The following PLEKHH2 variants were observed in gnomAD, a reference collection of about 807,000 sequenced individuals.
The protein encoded by PLEKHH2 is pleckstrin homology, MyTH4 and FERM domain containing H2.
A neutral mutation model predicts 187.9 loss-of-function variants in PLEKHH2; 129 were observed. That is an observed-to-expected ratio of 0.69 (90% CI 0.59 to 0.79). The LOEUF is 0.79. Among genes scored for constraint, PLEKHH2 ranks in the 30% least tolerant of loss-of-function variants. The probability of loss-of-function intolerance (pLI) is 0.00; values close to 1 mark genes in which losing one functional copy is unlikely to be tolerated. For missense variants in PLEKHH2, 2,076 were observed against 1,751.2 expected (o/e 1.19, Z -3.31); for synonymous variants, 686 against 605.6 (o/e 1.13, Z -1.95).
chr2:43,678,603 G>C (rs868384843), intron 2 of PLEKHH2, among the ~76,000 whole-genome samples: 2 of 151,938 alleles, frequency 1.3e-5, no homozygotes, highest in Admixed American at 6.5e-5. Context: ...GCAGGCACTC[G>C]GCAGGCTGAG....
chr2:43,738,279 A>T (rs1282173030), intron 19 of PLEKHH2, 62 bp from the exon 20 acceptor site: 3 of 1,333,326 alleles, frequency 2.3e-6, no homozygotes. Flanking sequence ...ATTCGATATA[A>T]TTCATGCAGA....
chr2:43,692,303 T>C lies in PLEKHH2; in HGVS notation c.187-211T>C, dbSNP rs1172157336. The stretch of plus-strand genomic sequence containing the variant: ...TATATGATAGCAATATTCTGAGAAT[T>C]TCTTATGTTTGTATGTACCTCCAAG... On this transcript the variant is annotated intron_variant, in intron 3 of 29. Coordinates refer to ENST00000282406, the MANE Select transcript of PLEKHH2 (RefSeq NM_172069.4). 2.3e-5 allele frequency: 9 copies of C among 384,060 alleles called. No homozygotes were observed. The South Asian group carries it at 3.5e-4, about 15-fold the overall frequency. The allele number at this position is 384,060 out of a possible 1,614,324, so 23.8% of individuals were successfully genotyped here.
intron 19 of PLEKHH2, among the ~76,000 whole-genome samples, chr2:43,737,761 G>A (rs535087170): frequency 6.6e-6 from 1 of 152,288 alleles, no homozygotes; most frequent in South Asian, 2.1e-4. Flanking sequence ...TTTTTTATAA[G>A]CTAATCTTAG....
chr2:43,736,835 C>A (rs148107775), intron 19 of PLEKHH2, among the ~76,000 whole-genome samples: 291 of 151,976 alleles, frequency 1.9e-3, no homozygotes, highest in African/African-American at 6.3e-3. Context: ...ATAAATAAAT[C>A]AATCAATCAC....
At chr2:43,708,608 T>G (rs2104511632) in intron 11 of PLEKHH2, among the ~76,000 whole-genome samples, 1 of 152,348 alleles carries the variant, frequency 6.6e-6, no homozygotes. Context: ...CCATACCACC[T>G]ACTGCCTGTT....
chr2:43,749,611 GA>G (rs1671926684), intron 24 of PLEKHH2, among the ~76,000 whole-genome samples: 1 of 152,094 alleles, frequency 6.6e-6, no homozygotes. Flanking sequence ...TTGACAGCAG[GA>G]AAAAAATTAA....
At chr2:43,720,837 T>C (rs1361475726) in intron 16 of PLEKHH2, 88 bp downstream of exon 16, 1 of 1,493,268 alleles carries the variant, frequency 6.7e-7, no homozygotes, top group African/African-American at 1.4e-5. Flanking sequence ...TCTTACTTTG[T>C]AAAACTTCAG....
intron 20 of PLEKHH2, among the ~76,000 whole-genome samples, chr2:43,738,850 C>T (rs1671425161): frequency 6.6e-6 from 1 of 152,098 alleles, no homozygotes; most frequent in African/African-American, 2.4e-5. Context: ...AAGTACGATA[C>T]ATTTCTATAT....
At chr2:43,681,360 T>C (rs1668173585) in intron 3 of PLEKHH2, 1 of 1,362,640 alleles carries the variant, frequency 7.3e-7, no homozygotes, top group African/African-American at 1.4e-5. Context: ...GTCATCAGAA[T>C]TTACTTCTTG....
At position 43,762,434 on chromosome 2, in the gene PLEKHH2, A is replaced by T. The variant is rs771186550; in HGVS notation, c.4158+44A>T. On this transcript the variant is annotated intron_variant, in intron 28 of 29. Transcript: ENST00000282406. ...GTTTTGCATTAAGTCAACTGTTTCC[A>T]TTGCTCAGTGTACCGTAAACAGAAA... 2.4e-5 allele frequency: 33 copies of T among 1,402,308 alleles called. No individual in the cohort carries two copies. The East Asian group carries it at 6.6e-4, about 28-fold the overall frequency. 86.9% of individuals were successfully genotyped at this position (1,402,308 alleles called of 1,614,324 possible). A position where few individuals can be genotyped will look rare whatever the true frequency, so the allele number is the denominator to read the frequency against.
At chr2:43,742,393 A>G (rs1671605753) in intron 21 of PLEKHH2, among the ~76,000 whole-genome samples, 1 of 151,966 alleles carries the variant, frequency 6.6e-6, no homozygotes, top group South Asian at 2.1e-4. Flanking sequence ...ATGTTTTTAT[A>G]AGTTACTCTG....
At chr2:43,745,832 T>C in intron 23 of PLEKHH2, 34 bp from the exon 24 acceptor site, 1 of 1,498,962 alleles carries the variant, frequency 6.7e-7, no homozygotes, top group African/African-American at 1.4e-5. Flanking sequence ...ATTTGAAAAG[T>C]ACTGTAAATC....
chr2:43,727,023 A>T (rs1001616576), intron 17 of PLEKHH2, among the ~76,000 whole-genome samples: 3 of 152,216 alleles, frequency 2.0e-5, no homozygotes, highest in Non-Finnish European at 4.4e-5. Flanking sequence ...CAGATAGCAA[A>T]ATAATTTCCA....
At chr2:43,717,418 A>AAACC (rs2104535352) in intron 15 of PLEKHH2, among the ~76,000 whole-genome samples, 1 of 25,142 alleles carries the variant, frequency 4.0e-5, no homozygotes, top group South Asian at 1.5e-3. Context: ...ACTCCACCTC[A>AAACC]AACAAACAAA....
chr2:43,678,768 G>T, intron 2 of PLEKHH2, 95 bp from the exon 3 acceptor site: 1 of 896,822 alleles, frequency 1.1e-6, no homozygotes, highest in Non-Finnish European at 1.8e-6. Context: ...GGAGGTGGAG[G>T]TGGAGGTAGA....
rs184790119 is a variant in PLEKHH2, at chr2:43,694,288, T to A, written c.337-143T>A. 2.6e-3 allele frequency: 2,509 copies of A among 983,724 alleles called. 3 individuals carry two copies. Among genetic ancestry groups the A allele is most frequent in the Admixed American group, 3.5e-3 (83 of 23,552 alleles). The allele number at this position is 983,724 out of a possible 1,614,324, so 60.9% of individuals were successfully genotyped here. Reference sequence around the variant, plus strand: ...GTATCTACCGAATAATTTTTTCTTTTAAAAACCTATTTGGTAATTTGAAAG... The same window carrying A: ...GTATCTACCGAATAATTTTTTCTTTAAAAAACCTATTTGGTAATTTGAAAG... On this transcript the variant is annotated intron_variant, in intron 4 of 29. Coordinates refer to ENST00000282406, the MANE Select transcript of PLEKHH2 (RefSeq NM_172069.4).
chr2:43,694,345 T>G, intron 4 of PLEKHH2, 86 bp from the exon 5 acceptor site: 1 of 1,385,338 alleles, frequency 7.2e-7, no homozygotes, highest in East Asian at 2.8e-5. Flanking sequence ...AAGTTTTAAG[T>G]GGATATGCCT....
chr2:43,638,938 A>C (rs1703243940), intron 1 of PLEKHH2, among the ~76,000 whole-genome samples: 1 of 152,232 alleles, frequency 6.6e-6, no homozygotes, highest in African/African-American at 2.4e-5. Context: ...GTAGATGTTA[A>C]ATGCCAATTT....
At position 43,757,272 on chromosome 2, in the gene PLEKHH2, A is replaced by G. The variant is rs1672248356; in HGVS notation, c.3941+8A>G. On this transcript the variant is annotated splice_region_variant and intron_variant, in intron 26 of 29. Coordinates refer to ENST00000282406, the MANE Select transcript of PLEKHH2 (RefSeq NM_172069.4). ...TTCTGAAGAGCAGTTAAGGTAAGGA[A>G]ATCTTTGTAACTCTTTATAGGGTAG... is the stretch of plus-strand genomic sequence containing the variant. The G allele has an allele frequency of 6.5e-7, 1 of 1,544,798 alleles. No homozygotes were observed. Among genetic ancestry groups the G allele is most frequent in the East Asian group, 2.4e-5 (1 of 41,728 alleles).
Sources: gnomAD v4.1 joint callset for allele counts (sites outside exome capture counted in the v4.1 genomes callset) on GRCh38, gnomAD v4.1.1 for gene constraint, MANE v1.5 for transcripts, NCBI Gene and HGNC (gene_info 2026-07-23, HGNC 2026-07-21) for gene names.